The following GRID2 variants were observed in gnomAD, a reference collection of about 807,000 sequenced individuals.
The protein encoded by GRID2 is glutamate receptor ionotropic, delta-2.
GRID2 carries 33 observed loss-of-function variants against 114.8 expected under a neutral mutation model. That is an observed-to-expected ratio of 0.29 (90% CI 0.22 to 0.38). The LOEUF is 0.38. GRID2 is among the 10% of genes least tolerant of loss of function. The probability of loss-of-function intolerance (pLI) is 1.00; values close to 1 mark genes in which losing one functional copy is unlikely to be tolerated. For synonymous variants in GRID2, 505 were observed against 449.9 expected (o/e 1.12, Z -1.55); for missense variants, 1,184 against 1,257.7 (o/e 0.94, Z 0.89).
At chr4:92,528,476 G>T (rs1222414547) in intron 1 of GRID2, among the ~76,000 whole-genome samples, 2 of 151,772 alleles carry the variant, frequency 1.3e-5, no homozygotes, top group Non-Finnish European at 2.9e-5. Context: ...ATGTGACATT[G>T]TCAATAACTT....
intron 4 of GRID2, chr4:93,164,654 C>A: frequency 5.8e-6 from 2 of 346,532 alleles, no homozygotes; most frequent in Non-Finnish European, 6.2e-6. Context: ...AATGAAAATA[C>A]CGGTTATCCT....
intron 11 of GRID2, among the ~76,000 whole-genome samples, chr4:93,481,367 CAGA>C (rs746008108): frequency 4.1e-4 from 62 of 152,138 alleles, no homozygotes; most frequent in Admixed American, 9.8e-4. Flanking sequence ...TCTTATATGG[CAGA>C]AGATTTAATC....
chr4:92,530,913 G>A (rs537454393), intron 1 of GRID2, among the ~76,000 whole-genome samples: 3 of 151,478 alleles, frequency 2.0e-5, no homozygotes, highest in African/African-American at 7.3e-5. Flanking sequence ...TCTTGGCGGG[G>A]GGGGAGAAAG....
intron 2 of GRID2, among the ~76,000 whole-genome samples, chr4:92,952,057 A>T (rs1752078757): frequency 6.6e-6 from 1 of 152,178 alleles, no homozygotes; most frequent in Admixed American, 6.5e-5. Flanking sequence ...TATAAGAAAA[A>T]AATAAAATCT....
At chr4:92,902,631 A>C (rs1747660919) in intron 2 of GRID2, among the ~76,000 whole-genome samples, 1 of 152,064 alleles carries the variant, frequency 6.6e-6, no homozygotes, top group South Asian at 2.1e-4. Flanking sequence ...TACAGGTCTT[A>C]CATTTAAGTC....
At chr4:93,348,154 T>C (rs1760428960) in intron 8 of GRID2, among the ~76,000 whole-genome samples, 1 of 152,148 alleles carries the variant, frequency 6.6e-6, no homozygotes, top group East Asian at 1.9e-4. Context: ...TGCATAAAAT[T>C]TTCTAACCAT....
chr4:93,302,360 C>G (rs1014433374), intron 8 of GRID2, among the ~76,000 whole-genome samples: 2 of 152,100 alleles, frequency 1.3e-5, no homozygotes, highest in Non-Finnish European at 2.9e-5. Context: ...AATTTTAAAC[C>G]GTTTACTTGG....
intron 1 of GRID2, among the ~76,000 whole-genome samples, chr4:92,528,014 A>G (rs1725128505): frequency 6.6e-6 from 1 of 152,000 alleles, no homozygotes; most frequent in African/African-American, 2.4e-5. Flanking sequence ...GATATTTTTG[A>G]CACATAATTT....
chr4:92,530,465 G>C (rs1331579382), intron 1 of GRID2, among the ~76,000 whole-genome samples: 1 of 122,902 alleles, frequency 8.1e-6, no homozygotes, highest in African/African-American at 3.1e-5. Flanking sequence ...GAGAATAGTG[G>C]AAAAAGTCAA....
intron 1 of GRID2, among the ~76,000 whole-genome samples, chr4:92,356,685 A>T (rs1728343032): frequency 6.6e-6 from 1 of 151,758 alleles, no homozygotes; most frequent in Admixed American, 6.6e-5. Flanking sequence ...ACCTATATGC[A>T]TATTTAAATA....
At chr4:92,464,900 G>A (rs1721673648) in intron 1 of GRID2, among the ~76,000 whole-genome samples, 1 of 152,068 alleles carries the variant, frequency 6.6e-6, no homozygotes, top group South Asian at 2.1e-4. Context: ...TGGATCACGG[G>A]GGCAGATTTC....
chr4:93,424,631 T>C (rs1311353704), intron 10 of GRID2, among the ~76,000 whole-genome samples: 2 of 152,172 alleles, frequency 1.3e-5, no homozygotes, highest in East Asian at 1.9e-4. Context: ...TTTTTTGGTG[T>C]TTAGAAATTT....
At chr4:93,189,735 T>C (rs1376668328) in intron 4 of GRID2, among the ~76,000 whole-genome samples, 5 of 149,982 alleles carry the variant, frequency 3.3e-5, no homozygotes, top group African/African-American at 1.2e-4. Flanking sequence ...ATACAGATAG[T>C]TTTGTGTGGT....
At chr4:92,985,472 C>T (rs578244340) in intron 2 of GRID2, among the ~76,000 whole-genome samples, 2 of 152,142 alleles carry the variant, frequency 1.3e-5, no homozygotes, top group South Asian at 2.1e-4. Flanking sequence ...CTCCTGACGT[C>T]GTGATCTGCC....
intron 8 of GRID2, among the ~76,000 whole-genome samples, chr4:93,310,332 CAACATGGTA>C (rs1304923516): frequency 6.6e-6 from 1 of 151,930 alleles, no homozygotes; most frequent in Non-Finnish European, 1.5e-5. Context: ...CCAGCTTGGC[CAACATGGTA>C]AAACTCTGTC....
chr4:92,764,428 T>C (rs1738163593), intron 2 of GRID2, among the ~76,000 whole-genome samples: 1 of 152,164 alleles, frequency 6.6e-6, no homozygotes, highest in Non-Finnish European at 1.5e-5. Context: ...AGAGTGAGCA[T>C]GTGGACAACC....
chr4:92,773,876 G>T (rs1367145786), intron 2 of GRID2, among the ~76,000 whole-genome samples: 2 of 151,880 alleles, frequency 1.3e-5, no homozygotes, highest in Non-Finnish European at 1.5e-5. Context: ...TGTCATATTT[G>T]CACATTTAGT....
intron 2 of GRID2, among the ~76,000 whole-genome samples, chr4:92,663,204 A>G (rs1243953082): frequency 1.3e-5 from 2 of 151,130 alleles, no homozygotes; most frequent in Non-Finnish European, 3.0e-5. Flanking sequence ...ATGAAATGAC[A>G]AGAGTAATTT....
chr4:92,661,921 A>G (rs962174724), intron 2 of GRID2, among the ~76,000 whole-genome samples: 1 of 151,116 alleles, frequency 6.6e-6, no homozygotes, highest in Non-Finnish European at 1.5e-5. Flanking sequence ...TTGAATAACT[A>G]AAAATGCTAG....
Sources: allele counts gnomAD v4.1 joint callset (sites outside exome capture counted in the v4.1 genomes callset), GRCh38; gene constraint gnomAD v4.1.1; transcripts MANE v1.5; gene names NCBI Gene and HGNC (gene_info 2026-07-23, HGNC 2026-07-21).